Variants in SNAP91 observed in about 807,000 individuals in gnomAD.
SNAP91 encodes clathrin coat assembly protein AP180.
SNAP91 carries 27 observed loss-of-function variants against 100.3 expected under a neutral mutation model. The observed-to-expected ratio is 0.27, with a 90% CI of 0.20 to 0.37. SNAP91 has a LOEUF of 0.37. SNAP91 is among the 10% of genes least tolerant of loss of function. The probability of loss-of-function intolerance (pLI) is 1.00; values close to 1 mark genes in which losing one functional copy is unlikely to be tolerated. For synonymous variants in SNAP91, 404 were observed against 398.6 expected (o/e 1.01, Z -0.16); for missense variants, 986 against 1,123.7 (o/e 0.88, Z 1.75).
intron 8 of SNAP91, among the ~76,000 whole-genome samples, chr6:83,625,079 G>C (rs1480877189): frequency 6.6e-6 from 1 of 151,986 alleles, no homozygotes; most frequent in South Asian, 2.1e-4. Flanking sequence ...AGTGTCTACT[G>C]TTCTCATCTG....
At position 83,647,939 on chromosome 6, in the gene SNAP91, C is replaced by T. The variant is rs58905088; in HGVS notation, c.659-6737G>A. The stretch of plus-strand genomic sequence containing the variant: ...CATCATAACATGTCAGAAGGTATCA[C>T]GTGGTGAGAGAGTGCATGCCTGACA... On this transcript the variant is annotated intron_variant, in intron 7 of 29. Transcript: ENST00000369694. Among the ~76,000 whole-genome samples the T allele has an allele frequency of 3.1e-3, 468 of 152,212 alleles. 2 individuals are homozygous for T. Among genetic ancestry groups the T allele is most frequent in the African/African-American group, 0.011 (438 of 41,548 alleles).
At chr6:83,672,361 C>T (rs921399519) in intron 2 of SNAP91, among the ~76,000 whole-genome samples, 3 of 152,136 alleles carry the variant, frequency 2.0e-5, no homozygotes, top group Non-Finnish European at 4.4e-5. Context: ...CACAATCTCA[C>T]TCTGCTACTT....
intron 2 of SNAP91, among the ~76,000 whole-genome samples, chr6:83,701,568 T>TCCTGCCCCAG (rs2099310703): frequency 6.6e-6 from 1 of 151,892 alleles, no homozygotes; most frequent in Non-Finnish European, 1.5e-5. Context: ...TGCCTCAGCC[T>TCCTGCCCCAG]CCTGAGTAGC....
rs1562291727 is a variant in SNAP91, at chr6:83,601,582, C to T, written c.1156+3G>A. The T allele has an allele frequency of 3.1e-6, 5 of 1,613,422 alleles. No individual in the cohort carries two copies. The highest frequency in any genetic ancestry group is 2.2e-5 in the East Asian group (1 of 44,882). On this transcript the variant is annotated splice_donor_region_variant and intron_variant, in intron 15 of 29. Coordinates refer to ENST00000369694, the MANE Select transcript of SNAP91 (RefSeq NM_001242792.2). ...GGAAGTTTAAAAACAAAGCTTTACT[C>T]ACCCTCTCCCAAAAGGTCTACCGAT...
At chr6:83,679,338 A>G (rs12197515) in intron 2 of SNAP91, among the ~76,000 whole-genome samples, 9,780 of 152,154 alleles carry the variant, frequency 0.064, 320 homozygotes, top group Middle Eastern at 0.088. Context: ...TTCCTAGGGG[A>G]AAAAAAGAAA....
intron 23 of SNAP91, 87 bp from the exon 24 acceptor site, chr6:83,580,686 A>G (rs551929425): frequency 8.0e-7 from 1 of 1,246,474 alleles, no homozygotes; most frequent in Admixed American, 2.7e-5. Flanking sequence ...TTTTGATACT[A>G]TGGAAACAAG....
chr6:83,639,985 A>G (rs780615038), intron 8 of SNAP91, among the ~76,000 whole-genome samples: 10 of 152,214 alleles, frequency 6.6e-5, no homozygotes, highest in Admixed American at 1.3e-4. Context: ...ATCATTTCTT[A>G]AAGACTACCA....
In SNAP91 at chr6:83,591,267, G is replaced by A. The variant is rs1382900080; in HGVS notation, c.1958C>T (p.Pro653Leu). The change falls in exon 22 of 30, where the codon CCC (proline) becomes CTC (leucine). Residue 653 changes from proline (P) to leucine (L), a missense_variant. Transcript: ENST00000369694. Reference protein sequence around the residue: ...GDAFGSSASEPQPASQAASSS... With the variant: ...GDAFGSSASELQPASQAASSS... The stretch of plus-strand genomic sequence containing the variant: ...AGAAGCAGCCTGAGATGCAGGTTGG[G>A]GTTCAGAAGCACTACTTCCAAATGC... 6.2e-7 allele frequency: 1 copy of A among 1,612,634 alleles called. No homozygotes were observed. The highest frequency in any genetic ancestry group is 1.3e-5 in the African/African-American group (1 of 74,882).
At chr6:83,593,379 G>C (rs2094057610) in intron 18 of SNAP91, 99 bp downstream of exon 18, 1 of 1,514,086 alleles carries the variant, frequency 6.6e-7, no homozygotes, top group African/African-American at 1.4e-5. Flanking sequence ...ATGGTTTCTA[G>C]AGAACCATTT....
At position 83,681,233 on chromosome 6, in the gene SNAP91, G is replaced by A. The variant is rs889907547; in HGVS notation, c.131-15652C>T. ...CTAATAATTTCTGAAGCAATTGTAG[G>A]TTCCCACAAAATCCTATCAAACTTT... On this transcript the variant is annotated intron_variant, in intron 2 of 29. Coordinates refer to ENST00000369694, the MANE Select transcript of SNAP91 (RefSeq NM_001242792.2). Among the ~76,000 whole-genome samples the A allele has an allele frequency of 3.3e-5, 5 of 152,194 alleles. No homozygotes were observed. The East Asian group carries it at 9.7e-4, about 29-fold the overall frequency.
At chr6:83,565,239 T>G (rs1794924065) in intron 26 of SNAP91, among the ~76,000 whole-genome samples, 1 of 151,970 alleles carries the variant, frequency 6.6e-6, no homozygotes, top group Non-Finnish European at 1.5e-5. Context: ...ACAGAGATAT[T>G]TCTCCTCCCC....
intron 26 of SNAP91, among the ~76,000 whole-genome samples, chr6:83,573,361 A>G (rs182255595): frequency 3.9e-5 from 6 of 152,324 alleles, no homozygotes; most frequent in African/African-American, 1.4e-4. Context: ...AATATCGTGA[A>G]AATGGTCATA....
At chr6:83,654,286 T>C (rs1376567748) in intron 7 of SNAP91, among the ~76,000 whole-genome samples, 1 of 152,286 alleles carries the variant, frequency 6.6e-6, no homozygotes, top group African/African-American at 2.4e-5. Context: ...GTCTCTCCAA[T>C]CTTGGGGGCA....
chr6:83,637,609 G>T (rs548970777), intron 8 of SNAP91, among the ~76,000 whole-genome samples: 1 of 152,290 alleles, frequency 6.6e-6, no homozygotes, highest in East Asian at 1.9e-4. Context: ...TCTGCTCTCA[G>T]ATCACTGAGC....
intron 9 of SNAP91, among the ~76,000 whole-genome samples, chr6:83,621,196 A>G (rs1329668790): frequency 6.6e-6 from 1 of 152,054 alleles, no homozygotes; most frequent in Non-Finnish European, 1.5e-5. Flanking sequence ...CCCACTTATA[A>G]GTGAGAACAT....
chr6:83,669,251 T>C (rs1030956228), intron 2 of SNAP91, among the ~76,000 whole-genome samples: 2 of 151,818 alleles, frequency 1.3e-5, no homozygotes, highest in African/African-American at 2.4e-5. Flanking sequence ...CTTCAAATGC[T>C]CTCATAAGTA....
In SNAP91 at chr6:83,593,530, G is replaced by A. The variant is rs2094090261; in HGVS notation, c.1644C>T (p.Thr548=). 3 of 1,552,894 alleles carry A rather than the reference G, an allele frequency of 1.9e-6. No individual in the cohort carries two copies. Among genetic ancestry groups the A allele is most frequent in the Non-Finnish European group, 2.6e-6 (3 of 1,147,586 alleles). ...AATAAATTTT[T]TSAATATTAP... is the part of the protein sequence containing the mutation. ...CAGTGGTGGCGGTGGCAGCGGAGGT[G>A]GTGGTAGTGGTGGTGGCAGCGGCGG... The change falls in exon 18 of 30, where the codon ACC becomes ACT. Residue 548 remains threonine (T), a synonymous_variant. Coordinates refer to ENST00000369694, the MANE Select transcript of SNAP91 (RefSeq NM_001242792.2).
At chr6:83,691,356 T>C (rs1322596829) in intron 2 of SNAP91, among the ~76,000 whole-genome samples, 1 of 152,182 alleles carries the variant, frequency 6.6e-6, no homozygotes. Flanking sequence ...TAACCTTATT[T>C]ACTAACTAAA....
chr6:83,670,608 C>T (rs558395023), intron 2 of SNAP91, among the ~76,000 whole-genome samples: 23 of 151,926 alleles, frequency 1.5e-4, no homozygotes, highest in Non-Finnish European at 2.2e-4. Context: ...AGATTTTCTA[C>T]GTTTCTTCTA....
Sources: gnomAD v4.1 joint callset for allele counts (sites outside exome capture counted in the v4.1 genomes callset) on GRCh38, gnomAD v4.1.1 for gene constraint, MANE v1.5 for transcripts, NCBI Gene and HGNC (gene_info 2026-07-23, HGNC 2026-07-21) for gene names.